COX6C: variants seen among roughly 807,000 people sequenced by gnomAD.
COX6C encodes cytochrome c oxidase subunit 6C.
A neutral mutation model predicts 6.9 loss-of-function variants in COX6C; 3 were observed. That is an observed-to-expected ratio of 0.43 (90% CI 0.20 to 1.12). The LOEUF is 1.12. Ranked by LOEUF, COX6C falls within the 50% of genes most tolerant of loss-of-function variation. The pLI is 0.27. For missense variants in COX6C, 101 were observed against 97.3 expected (o/e 1.04, Z -0.16); for synonymous variants, 32 against 32.0 (o/e 1.00, Z 0.00).
At chr8:99,881,939 T>A (rs544492496) in intron 3 of COX6C, among the ~76,000 whole-genome samples, 1 of 152,230 alleles carries the variant, frequency 6.6e-6, no homozygotes, top group African/African-American at 2.4e-5. Context: ...AGAACAGGGG[T>A]AGCTACACTA....
At chr8:99,892,609 C>A (rs1818072155) in intron 1 of COX6C, among the ~76,000 whole-genome samples, 1 of 152,050 alleles carries the variant, frequency 6.6e-6, no homozygotes. Context: ...CCTAGAGAGG[C>A]ACAGCACGAC....
chr8:99,893,268 C>T (rs1413867698), intron 1 of COX6C: 1 of 152,360 alleles, frequency 6.6e-6, no homozygotes, highest in Non-Finnish European at 1.5e-5. Flanking sequence ...AAACCACCAC[C>T]CCTTTTCTCA....
In COX6C at chr8:99,883,690, C is replaced by T. The variant is rs1817903097; in HGVS notation, c.*15+3800G>A. Among the ~76,000 whole-genome samples the T allele has an allele frequency of 1.3e-5, 2 of 152,038 alleles. 1 individual carries two copies. On this transcript the variant is annotated intron_variant, in intron 3 of 3. Coordinates refer to ENST00000520468, the MANE Select transcript of COX6C (RefSeq NM_004374.4). The stretch of plus-strand genomic sequence containing the variant: ...TTCCACATTCATTCTATAAGGCCAG[C>T]ATTATCCTGATATCAAAGACAAACA...
At chr8:99,878,950 A>G (rs189120156) in intron 3 of COX6C, among the ~76,000 whole-genome samples, 13 of 152,310 alleles carry the variant, frequency 8.5e-5, no homozygotes, top group African/African-American at 2.9e-4. Context: ...TCAACATATG[A>G]TAAGGTTTAT....
chr8:99,884,765 T>G (rs1042226414), intron 3 of COX6C, among the ~76,000 whole-genome samples: 2 of 152,082 alleles, frequency 1.3e-5, no homozygotes, highest in African/African-American at 4.8e-5. Context: ...ATAATAAAGC[T>G]TAACTCATAA....
chr8:99,878,930 T>TA (rs995878002), intron 3 of COX6C: 1 of 152,204 alleles, frequency 6.6e-6, no homozygotes, highest in African/African-American at 2.4e-5. Context: ...ATTTTTGACT[T>TA]ACGATATTCT....
At chr8:99,884,981 T>C (rs1817924558) in intron 3 of COX6C, among the ~76,000 whole-genome samples, 1 of 152,126 alleles carries the variant, frequency 6.6e-6, no homozygotes, top group African/African-American at 2.4e-5. Context: ...TTTACAGAAA[T>C]AGAAAAATCC....
chr8:99,884,641 T>C (rs1209650487), intron 3 of COX6C, among the ~76,000 whole-genome samples: 1 of 152,206 alleles, frequency 6.6e-6, no homozygotes, highest in Non-Finnish European at 1.5e-5. Context: ...TTGATTATAG[T>C]AGTCTCCTTT....
intron 3 of COX6C, among the ~76,000 whole-genome samples, chr8:99,879,129 C>T (rs1416982991): frequency 6.6e-6 from 1 of 152,184 alleles, no homozygotes; most frequent in Non-Finnish European, 1.5e-5. Flanking sequence ...GTTAAATATA[C>T]ACATAAGATT....
intron 3 of COX6C, among the ~76,000 whole-genome samples, chr8:99,879,763 T>C (rs1005658938): frequency 2.6e-4 from 39 of 152,208 alleles, no homozygotes; most frequent in Non-Finnish European, 4.9e-4. Flanking sequence ...ACCTACAATG[T>C]TCTGGTTTGT....
At chr8:99,889,608 G>C (rs57750880) in intron 2 of COX6C, among the ~76,000 whole-genome samples, 1 of 151,036 alleles carries the variant, frequency 6.6e-6, no homozygotes, top group Non-Finnish European at 1.5e-5. Context: ...GGCTGGTCTC[G>C]AACTCCTGAC....
chr8:99,882,039 T>C (rs1313957640), intron 3 of COX6C, among the ~76,000 whole-genome samples: 1 of 152,212 alleles, frequency 6.6e-6, no homozygotes, highest in African/African-American at 2.4e-5. Context: ...CAATAAGATC[T>C]AGCAATTATA....
intron 3 of COX6C, chr8:99,887,281 C>T (rs947268878): frequency 1.1e-5 from 4 of 374,016 alleles, no homozygotes; most frequent in Non-Finnish European, 1.9e-5. Context: ...ATTGGTGCTC[C>T]CCCACATCAC....
rs891605892 is a variant in COX6C at position 99,893,647 on chromosome 8, C to T, written c.-40G>A. The T allele has an allele frequency of 6.6e-6, 1 of 152,414 alleles. No individual in the cohort carries two copies. 9.4% of individuals were successfully genotyped at this position (152,414 alleles called of 1,614,324 possible). A position where few individuals can be genotyped will look rare whatever the true frequency, so the allele number is the denominator to read the frequency against. Reference sequence around the variant, plus strand: ...AAAGGGACCGGACTCACCTCAACACCAACGTCCTTCCTGACTAAAGGAAAA... The same window carrying T: ...AAAGGGACCGGACTCACCTCAACACTAACGTCCTTCCTGACTAAAGGAAAA... On this transcript the variant is annotated 5_prime_UTR_variant, in exon 1 of 4. Coordinates refer to ENST00000520468, the MANE Select transcript of COX6C (RefSeq NM_004374.4).
chr8:99,889,325 T>C (rs1299058290), intron 2 of COX6C, among the ~76,000 whole-genome samples: 2 of 151,770 alleles, frequency 1.3e-5, no homozygotes, highest in African/African-American at 4.8e-5. Context: ...AGTCTGGCTC[T>C]ATCGCCCAGC....
intron 2 of COX6C, among the ~76,000 whole-genome samples, 169 bp from the exon 3 acceptor site, chr8:99,887,787 C>CT (rs1187006386): frequency 6.6e-6 from 1 of 152,026 alleles, no homozygotes; most frequent in Non-Finnish European, 1.5e-5. Flanking sequence ...AAGACAAAGT[C>CT]TAAGAAACTG....
intron 3 of COX6C, among the ~76,000 whole-genome samples, chr8:99,884,887 G>T (rs1179282046): frequency 6.6e-6 from 1 of 152,166 alleles, no homozygotes; most frequent in East Asian, 1.9e-4. Context: ...TCATGGATTG[G>T]AATACTTAAT....
chr8:99,883,908 T>C (rs1276800282), intron 3 of COX6C, among the ~76,000 whole-genome samples: 1 of 152,022 alleles, frequency 6.6e-6, no homozygotes, highest in African/African-American at 2.4e-5. Context: ...GAATGAAGGA[T>C]AAAAAACACA....
intron 1 of COX6C, 132 bp downstream of exon 1, chr8:99,893,506 CG>C (rs1818091351): frequency 6.6e-6 from 1 of 152,224 alleles, no homozygotes; most frequent in Non-Finnish European, 1.5e-5. Context: ...AGAGTAGATG[CG>C]GGAGAGGCCT....
Sources: allele counts gnomAD v4.1 joint callset (sites outside exome capture counted in the v4.1 genomes callset), GRCh38; gene constraint gnomAD v4.1.1; transcripts MANE v1.5; gene names NCBI Gene and HGNC (gene_info 2026-07-23, HGNC 2026-07-21).